Variants in PRKCB observed in about 807,000 individuals in gnomAD.
PRKCB encodes the protein protein kinase C beta.
PRKCB carries 13 observed loss-of-function variants against 81.5 expected under a neutral mutation model. The observed-to-expected ratio is 0.16, with a 90% CI of 0.10 to 0.25. The LOEUF (loss-of-function observed/expected upper bound fraction) is 0.25. Ranked by LOEUF, PRKCB falls within the 10% of genes least tolerant of loss-of-function variation. The probability of loss-of-function intolerance (pLI) is 1.00; values close to 1 mark genes in which losing one functional copy is unlikely to be tolerated. For synonymous variants in PRKCB, 335 were observed against 321.4 expected (o/e 1.04, Z -0.45); for missense variants, 509 against 875.7 (o/e 0.58, Z 5.29).
chr16:23,983,555 T>C (rs893103211), intron 2 of PRKCB, among the ~76,000 whole-genome samples: 1 of 152,218 alleles, frequency 6.6e-6, no homozygotes, highest in Admixed American at 6.5e-5. Flanking sequence ...TTCTCCTTTT[T>C]CTATGACTGA....
intron 5 of PRKCB, among the ~76,000 whole-genome samples, chr16:24,065,567 T>C (rs1370584397): frequency 2.0e-5 from 3 of 152,180 alleles, no homozygotes; most frequent in Admixed American, 2.0e-4. Context: ...ATAATCAGCA[T>C]TTACTTGGAT....
intron 7 of PRKCB, among the ~76,000 whole-genome samples, chr16:24,096,667 AT>A (rs1449324919): frequency 0.21 from 3,762 of 17,718 alleles, 303 homozygotes; most frequent in Middle Eastern, 0.33. Flanking sequence ...AAAAAAAAAA[AT>A]ATATATATAT....
At chr16:23,869,487 A>G (rs1962866838) in intron 2 of PRKCB, among the ~76,000 whole-genome samples, 1 of 151,836 alleles carries the variant, frequency 6.6e-6, no homozygotes, top group Non-Finnish European at 1.5e-5. Flanking sequence ...GCCAGGTCGA[A>G]CTCCCAATCC....
At chr16:24,172,486 T>C in intron 11 of PRKCB, 125 bp downstream of exon 11, 2 of 736,162 alleles carry the variant, frequency 2.7e-6, no homozygotes, top group South Asian at 1.7e-5. Context: ...GAAAAAATAT[T>C]TAGCCAGGGA....
At chr16:23,868,489 T>A (rs1962844643) in intron 2 of PRKCB, among the ~76,000 whole-genome samples, 1 of 152,228 alleles carries the variant, frequency 6.6e-6, no homozygotes, top group South Asian at 2.1e-4. Flanking sequence ...CTTATTTGAT[T>A]TTCACAATGA....
intron 2 of PRKCB, among the ~76,000 whole-genome samples, chr16:23,889,483 C>G (rs1172043854): frequency 6.6e-6 from 1 of 152,226 alleles, no homozygotes; most frequent in Non-Finnish European, 1.5e-5. Flanking sequence ...TGTTTATCAT[C>G]TATAATAGTC....
At chr16:23,962,747 C>T (rs9673276) in intron 2 of PRKCB, among the ~76,000 whole-genome samples, 11,737 of 142,376 alleles carry the variant, frequency 0.082, 634 homozygotes, top group South Asian at 0.15. Flanking sequence ...TTTTTTTTTT[C>T]TTTTATTTTA....
At chr16:23,951,483 G>A (rs1964282094) in intron 2 of PRKCB, among the ~76,000 whole-genome samples, 1 of 151,584 alleles carries the variant, frequency 6.6e-6, no homozygotes, top group African/African-American at 2.4e-5. Flanking sequence ...GGGGTACAGT[G>A]TCCAGATCAC....
chr16:23,969,130 A>T (rs1031284700), intron 2 of PRKCB, among the ~76,000 whole-genome samples: 1 of 152,172 alleles, frequency 6.6e-6, no homozygotes, highest in Non-Finnish European at 1.5e-5. Context: ...AGATCGCGCC[A>T]CTGCACTCCA....
chr16:24,188,054 G>A (rs1967731715), intron 15 of PRKCB, among the ~76,000 whole-genome samples: 1 of 152,218 alleles, frequency 6.6e-6, no homozygotes, highest in Admixed American at 6.5e-5. Flanking sequence ...TGGACAGCTG[G>A]GGGTTCTAAA....
At position 23,853,893 on chromosome 16, in the gene PRKCB, A is replaced by G. The variant is rs1962514479; in HGVS notation, c.205+16487A>G. Among the ~76,000 whole-genome samples the G allele has an allele frequency of 2.7e-5, 4 of 149,976 alleles. 1 individual carries two copies. The South Asian group carries it at 6.4e-4, about 24-fold the overall frequency. On this transcript the variant is annotated intron_variant, in intron 2 of 16. Coordinates refer to ENST00000643927, the MANE Select transcript of PRKCB (RefSeq NM_002738.7). ...ACTGAGACTGGGTAATTTATAAAGG[A>G]AAGAGGTTTAATTGACTCACAATTC... is the stretch of plus-strand genomic sequence containing the variant.
At chr16:23,941,616 T>C (rs566800881) in intron 2 of PRKCB, among the ~76,000 whole-genome samples, 1 of 152,310 alleles carries the variant, frequency 6.6e-6, no homozygotes, top group Admixed American at 6.5e-5. Context: ...GGAAGTCTAT[T>C]AATACGTCCC....
At chr16:24,212,829 G>A (rs1968165492) in intron 16 of PRKCB, among the ~76,000 whole-genome samples, 1 of 151,600 alleles carries the variant, frequency 6.6e-6, no homozygotes, top group Non-Finnish European at 1.5e-5. Flanking sequence ...TCTCAAAGTC[G>A]TTATCCAAAA....
At chr16:23,961,457 C>T (rs1964424978) in intron 2 of PRKCB, among the ~76,000 whole-genome samples, 1 of 152,206 alleles carries the variant, frequency 6.6e-6, no homozygotes, top group Admixed American at 6.5e-5. Flanking sequence ...ATGTGCTTGA[C>T]TAATGAGGCA....
At chr16:24,055,172 A>G (rs2141873168) in intron 5 of PRKCB, among the ~76,000 whole-genome samples, 1 of 152,346 alleles carries the variant, frequency 6.6e-6, no homozygotes, top group African/African-American at 2.4e-5. Context: ...TTGCCTAATG[A>G]AGCTGACCGT....
Position 24,216,636 on chromosome 16 carries a change from G to T in PRKCB, c.*1820G>T. The T allele has an allele frequency of 1.0e-6, 1 of 985,062 alleles. No homozygotes were observed. The highest frequency in any genetic ancestry group is 1.2e-6 in the Non-Finnish European group (1 of 829,902). 61.0% of individuals were successfully genotyped at this position (985,062 alleles called of 1,614,324 possible). On this transcript the variant is annotated 3_prime_UTR_variant, in exon 17 of 17. Coordinates refer to ENST00000643927, the MANE Select transcript of PRKCB (RefSeq NM_002738.7). Reference sequence around the variant, plus strand: ...TTCTGCTTAGGCAAAGTCTCCTGCAGTTCATCCTTCTCTGTCCTCTTCTTG... The same window carrying T: ...TTCTGCTTAGGCAAAGTCTCCTGCATTTCATCCTTCTCTGTCCTCTTCTTG...
chr16:23,930,917 A>T (rs1963964544), intron 2 of PRKCB, among the ~76,000 whole-genome samples: 1 of 150,310 alleles, frequency 6.7e-6, no homozygotes, highest in Non-Finnish European at 1.5e-5. Flanking sequence ...TGAAGCTCAC[A>T]GAGGTTGATG....
At chr16:24,172,477 A>G in intron 11 of PRKCB, 116 bp downstream of exon 11, 1 of 779,314 alleles carries the variant, frequency 1.3e-6, no homozygotes, top group South Asian at 1.7e-5. Flanking sequence ...CATCTTTTTG[A>G]AAAAATATTT....
At chr16:24,096,652 CA>C (rs1219127854) in intron 7 of PRKCB, among the ~76,000 whole-genome samples, 823 of 41,620 alleles carry the variant, frequency 0.02, 15 homozygotes, top group African/African-American at 0.044. Context: ...CTTCCTATGG[CA>C]AAAAAAAAAA....
Sources: gnomAD v4.1 joint callset for allele counts (sites outside exome capture counted in the v4.1 genomes callset) on GRCh38, gnomAD v4.1.1 for gene constraint, MANE v1.5 for transcripts, NCBI Gene and HGNC (gene_info 2026-07-23, HGNC 2026-07-21) for gene names.